Variants in FAM98C observed in about 807,000 individuals in gnomAD.
The protein encoded by FAM98C is protein FAM98C.
In FAM98C, 38 loss-of-function variants were observed where a neutral mutation model predicts 41.1. The ratio of observed to expected loss-of-function variants is 0.92; its 90% CI spans 0.71 to 1.21. FAM98C has a LOEUF of 1.21. FAM98C is among the 50% of genes most tolerant of loss of function. The pLI is 0.00. For synonymous variants in FAM98C, 195 were observed against 216.7 expected (o/e 0.90, Z 0.88); for missense variants, 493 against 484.7 (o/e 1.02, Z -0.16).
intron 3 of FAM98C, 73 bp from the exon 4 acceptor site, chr19:38,404,835 G>A (rs1971015507): frequency 6.4e-7 from 1 of 1,556,920 alleles, no homozygotes; most frequent in Non-Finnish European, 8.9e-7. Context: ...GGCCATCAGT[G>A]GAGCTTTTTG....
rs374391516 is a variant in FAM98C, at chr19:38,405,436, G to A, written c.633+15G>A. 3.7e-5 allele frequency: 60 copies of A among 1,614,024 alleles called. No individual in the cohort carries two copies. The African/African-American group carries it at 6.5e-4, about 18-fold the overall frequency. The stretch of plus-strand genomic sequence containing the variant: ...CACCCAGATGGGTAAGACTGTGTGC[G>A]ACTGACTGAATGTGAACTGTGTCCT... On this transcript the variant is annotated intron_variant, in intron 5 of 7. Coordinates refer to ENST00000252530, the MANE Select transcript of FAM98C (RefSeq NM_174905.4).
intron 3 of FAM98C, 81 bp downstream of exon 3, chr19:38,403,775 C>T (rs959305361): frequency 2.3e-5 from 31 of 1,341,954 alleles, no homozygotes; most frequent in Non-Finnish European, 2.9e-5. Context: ...ATCGAGGTTC[C>T]CAAGGGGTGT....
chr19:38,406,814 G>T lies in FAM98C; in HGVS notation c.751-96G>T, dbSNP rs1190171137. On this transcript the variant is annotated intron_variant, in intron 6 of 7. Transcript: ENST00000252530. ...TAAATATTTATTTGAGCTGTGGGCA[G>T]TGAGGTCTTGAATGGTAAAGTAATG... is the stretch of plus-strand genomic sequence containing the variant. 15 of 1,269,318 alleles carry T rather than the reference G, an allele frequency of 1.2e-5. No individual in the cohort carries two copies. In the African/African-American group the frequency reaches 1.5e-4, roughly 13 times the overall value. 78.6% of individuals were successfully genotyped at this position (1,269,318 alleles called of 1,614,324 possible). A position where few individuals can be genotyped will look rare whatever the true frequency, so the allele number is the denominator to read the frequency against.
At chr19:38,403,950 G>T (rs1218226577) in intron 3 of FAM98C, among the ~76,000 whole-genome samples, 1 of 152,112 alleles carries the variant, frequency 6.6e-6, no homozygotes, top group Non-Finnish European at 1.5e-5. Context: ...ACCCAAGCTG[G>T]AGTGCAGTGG....
At position 38,403,160 on chromosome 19, in the gene FAM98C, G is replaced by A; in HGVS notation, c.7G>A (p.Ala3Thr). The change falls in exon 1 of 8, where the codon GCG becomes ACG. Residue 3 changes from alanine (A) to threonine (T), a missense_variant. Transcript: ENST00000252530. ME[A>T]VKAEAWEGAA... ...GCGCCGAGACCACACTTTCATGGAGGCGGTGAAGGCGGAAGCGTGGGAGGG... is the reference window on the plus strand; with the variant it reads ...GCGCCGAGACCACACTTTCATGGAGACGGTGAAGGCGGAAGCGTGGGAGGG... 1 of 1,530,026 alleles carries A rather than the reference G, an allele frequency of 6.5e-7. No individual in the cohort carries two copies. Among genetic ancestry groups the A allele is most frequent in the East Asian group, 2.6e-5 (1 of 38,280 alleles). 94.8% of individuals were successfully genotyped at this position (1,530,026 alleles called of 1,614,324 possible).
In FAM98C at chr19:38,403,372, G is replaced by T. The variant is rs1363355440; in HGVS notation, c.100G>T (p.Ala34Ser). Residue 34 changes from alanine (A) to serine (S), a missense_variant, in exon 2 of 8, where the codon GCC becomes TCC. Transcript: ENST00000252530. ...GGVPGAASRG[A>S]SCPDFRGLCV... ...TGTCCCGGGGGCGGCGTCGCGGGGC[G>T]CCTCATGCCCAGACTTCAGGGGGCT... The T allele has an allele frequency of 6.8e-7, 1 of 1,469,106 alleles. No individual in the cohort carries two copies. The highest frequency in any genetic ancestry group is 8.9e-7 in the Non-Finnish European group (1 of 1,124,934). 91.0% of individuals were successfully genotyped at this position (1,469,106 alleles called of 1,614,324 possible).
intron 7 of FAM98C, chr19:38,407,349 A>C: frequency 4.6e-6 from 2 of 438,486 alleles, no homozygotes; most frequent in Non-Finnish European, 4.1e-6. Context: ...CCTATCACCA[A>C]ACACTACCTA....
intron 6 of FAM98C, 105 bp downstream of exon 6, chr19:38,405,740 C>G (rs1462026553): frequency 1.9e-6 from 2 of 1,077,114 alleles, no homozygotes; most frequent in African/African-American, 1.6e-5. Context: ...CTTGCAGGTT[C>G]TCAGGCCATG....
intron 7 of FAM98C, chr19:38,408,368 G>A (rs1420942626): frequency 3.1e-5 from 6 of 195,354 alleles, no homozygotes; most frequent in Admixed American, 5.5e-5. Context: ...GACCATCCTG[G>A]CTAACACGGT....
intron 6 of FAM98C, chr19:38,405,966 CCTG>C (rs1377505991): frequency 2.8e-5 from 7 of 247,394 alleles, no homozygotes; most frequent in African/African-American, 1.6e-4. Flanking sequence ...AAGTGATTCT[CCTG>C]CCTCAGCCTC....
At position 38,408,860 on chromosome 19, in the gene FAM98C, GC is replaced by G; in HGVS notation, c.1029del (p.Lys344ArgfsTer22). 6.3e-7 allele frequency: 1 copy of G among 1,578,884 alleles called. No homozygotes were observed. The highest frequency in any genetic ancestry group is 8.6e-7 in the Non-Finnish European group (1 of 1,169,318). On this transcript the variant is annotated frameshift_variant, in exon 8 of 8. Coordinates refer to ENST00000252530, the MANE Select transcript of FAM98C (RefSeq NM_174905.4). LOFTEE classifies it high-confidence loss of function. ...GATGGAGGCCCCCAGTGTTGGGGTC[GC>G]AAGAAGAAGAAGAAGAAGTAAAGGG... The part of the protein sequence containing the change: ...REDGGPQCWG[R>X]KKKKKK
In FAM98C at chr19:38,405,566, C is replaced by T. The variant is rs1249716241; in HGVS notation, c.681C>T (p.Cys227=). ...LSQSLRDQYR[C]RRCLLLKRLD... ...AAAGCCTCAGAGATCAGTACCGCTG[C>T]CGCCGCTGCCTCCTCCTCAAGCGCC... The change falls in exon 6 of 8, where the codon TGC becomes TGT. Residue 227 remains cysteine (C), a synonymous_variant. Transcript: ENST00000252530. The T allele has an allele frequency of 6.2e-7, 1 of 1,614,180 alleles. No homozygotes were observed. Among genetic ancestry groups the T allele is most frequent in the Non-Finnish European group, 8.5e-7 (1 of 1,180,044 alleles).
intron 4 of FAM98C, 27 bp downstream of exon 4, chr19:38,405,140 C>A: frequency 6.3e-7 from 1 of 1,590,762 alleles, no homozygotes; most frequent in Non-Finnish European, 8.6e-7. Context: ...CCCTCCCGAC[C>A]TGGGCTACCC....
In FAM98C at chr19:38,403,408, C is replaced by A. The variant is rs766041471; in HGVS notation, c.136C>A (p.Leu46Met). ...CPDFRGLCVR[L>M]AAELATLGAL... is the part of the protein sequence containing the mutation. ...AGACTTCAGGGGGCTGTGCGTGCGGCTGGCGGCGGAGCTGGCGACGCTGGG... is the reference window on the plus strand; with the variant it reads ...AGACTTCAGGGGGCTGTGCGTGCGGATGGCGGCGGAGCTGGCGACGCTGGG... The change falls in exon 2 of 8, where the codon CTG becomes ATG. Residue 46 changes from leucine to methionine, a missense_variant. By Grantham distance (15) the Leu-to-Met change is conservative. Transcript: ENST00000252530. 2.8e-6 allele frequency: 4 copies of A among 1,441,204 alleles called. No homozygotes were observed. Among genetic ancestry groups the A allele is most frequent in the Non-Finnish European group, 3.6e-6 (4 of 1,109,368 alleles). The allele number at this position is 1,441,204 out of a possible 1,614,324, so 89.3% of individuals were successfully genotyped here.
In FAM98C at chr19:38,409,004, C is replaced by A; in HGVS notation, c.*122C>A. On this transcript the variant is annotated 3_prime_UTR_variant, in exon 8 of 8. Coordinates refer to ENST00000252530, the MANE Select transcript of FAM98C (RefSeq NM_174905.4). The stretch of plus-strand genomic sequence containing the variant: ...GCACCCAAGCCCCCCATCTCCTATT[C>A]CTGAGTCCCCAAATGCCCTGCTCCC... The A allele has an allele frequency of 1.9e-6, 2 of 1,054,628 alleles. No homozygotes were observed. Among genetic ancestry groups the A allele is most frequent in the Non-Finnish European group, 1.3e-6 (1 of 757,778 alleles). 65.3% of individuals were successfully genotyped at this position (1,054,628 alleles called of 1,614,324 possible). A position where few individuals can be genotyped will look rare whatever the true frequency, so the allele number is the denominator to read the frequency against.
At chr19:38,404,334 G>A (rs941661826) in intron 3 of FAM98C, among the ~76,000 whole-genome samples, 8 of 152,274 alleles carry the variant, frequency 5.3e-5, no homozygotes, top group South Asian at 2.1e-4. Context: ...GAAGGCTTTA[G>A]GTGGGGGGGA....
At position 38,406,962 on chromosome 19, in the gene FAM98C, C is replaced by A. The variant is rs746102252; in HGVS notation, c.803C>A (p.Thr268Asn). The A allele has an allele frequency of 6.2e-7, 1 of 1,614,076 alleles. No individual in the cohort carries two copies. Among genetic ancestry groups the A allele is most frequent in the African/African-American group, 1.3e-5 (1 of 74,926 alleles). ...AVLIPIREVL[T>N]PESDISIAHV... ...CTGATCCCAATTCGAGAGGTTCTGACCCCAGAATCGGACATCTCCATTGCA... is the reference window on the plus strand; with the variant it reads ...CTGATCCCAATTCGAGAGGTTCTGAACCCAGAATCGGACATCTCCATTGCA... The change falls in exon 7 of 8, where the codon ACC (threonine) becomes AAC (asparagine). Residue 268 changes from threonine (T) to asparagine (N), a missense_variant. Transcript: ENST00000252530.
Position 38,405,369 on chromosome 19 carries a change from C to T in FAM98C, c.581C>T (p.Pro194Leu). 6.2e-7 allele frequency: 1 copy of T among 1,614,004 alleles called. No homozygotes were observed. The highest frequency in any genetic ancestry group is 8.5e-7 in the Non-Finnish European group (1 of 1,180,012). ...AKISELQPSL[P>L]PGSLQPLLSC... ...ATCTCAGAGCTGCAGCCTTCTCTGCCCCCAGGGTCCCTGCAGCCCCTCCTC... is the reference window on the plus strand; with the variant it reads ...ATCTCAGAGCTGCAGCCTTCTCTGCTCCCAGGGTCCCTGCAGCCCCTCCTC... Residue 194 changes from proline to leucine, a missense_variant, in exon 5 of 8, where the codon CCC becomes CTC. Transcript: ENST00000252530.
chr19:38,405,338 C>T lies in FAM98C; in HGVS notation c.556-6C>T. The stretch of plus-strand genomic sequence containing the variant: ...CCAGTTGGCCTCTGACTTCTTCTCC[C>T]ATCAGATCTCAGAGCTGCAGCCTTC... On this transcript the variant is annotated splice_region_variant and splice_polypyrimidine_tract_variant and intron_variant, in intron 4 of 7. Transcript: ENST00000252530. 1.2e-6 allele frequency: 2 copies of T among 1,613,596 alleles called. No individual in the cohort carries two copies. Among genetic ancestry groups the T allele is most frequent in the Non-Finnish European group, 1.7e-6 (2 of 1,179,834 alleles).
Sources: gnomAD v4.1 joint callset for allele counts (sites outside exome capture counted in the v4.1 genomes callset) on GRCh38, gnomAD v4.1.1 for gene constraint, MANE v1.5 for transcripts, NCBI Gene and HGNC (gene_info 2026-07-23, HGNC 2026-07-21) for gene names.